Variants in CCNJ observed in about 807,000 individuals in gnomAD.
CCNJ encodes the protein cyclin-J.
A neutral mutation model predicts 41.4 loss-of-function variants in CCNJ; 12 were observed. The ratio of observed to expected loss-of-function variants is 0.29; its 90% CI spans 0.19 to 0.47. The LOEUF (loss-of-function observed/expected upper bound fraction) is 0.47. Among genes scored for constraint, CCNJ ranks in the 20% least tolerant of loss-of-function variants. The pLI is 1.00. For missense variants in CCNJ, 340 were observed against 464.6 expected (o/e 0.73, Z 2.47); for synonymous variants, 161 against 173.4 (o/e 0.93, Z 0.56).
chr10:96,051,321 G>C (rs952010132), intron 3 of CCNJ, among the ~76,000 whole-genome samples: 8 of 152,022 alleles, frequency 5.3e-5, no homozygotes, highest in Admixed American at 4.6e-4. Flanking sequence ...TAAAGGAATT[G>C]AAATTGTGTT....
chr10:96,052,917 C>T (rs2080569912), intron 3 of CCNJ, among the ~76,000 whole-genome samples: 3 of 152,218 alleles, frequency 2.0e-5, no homozygotes, highest in Admixed American at 2.0e-4. Flanking sequence ...ATCAGCTCTA[C>T]ACCAGGGTCA....
intron 2 of CCNJ, among the ~76,000 whole-genome samples, chr10:96,049,390 G>C (rs538792623): frequency 6.6e-6 from 1 of 151,658 alleles, no homozygotes; most frequent in East Asian, 1.9e-4. Flanking sequence ...TCCATTCTGC[G>C]GGTTGCCCTT....
intron 3 of CCNJ, 43 bp downstream of exon 3, chr10:96,050,509 T>C: frequency 7.2e-7 from 1 of 1,387,212 alleles, no homozygotes; most frequent in Non-Finnish European, 1.0e-6. Flanking sequence ...TTTCTGATGT[T>C]TATATAATAA....
rs1286969844 is a variant in CCNJ, at chr10:96,059,562, T to TA, written c.*1324dup. 6.7e-6 allele frequency: 1 copy of TA among 149,552 alleles called. No homozygotes were observed. 9.3% of individuals were successfully genotyped at this position (149,552 alleles called of 1,614,324 possible). ...GTTAAAAAGTCATTGTAATAACTGA[T>TA]AAACTGTATACATTGTGCTCCTTTC... is the stretch of plus-strand genomic sequence containing the variant. On this transcript the variant is annotated 3_prime_UTR_variant, in exon 6 of 6. Transcript: ENST00000465148.
At chr10:96,045,337 A>G (rs2080333270) in intron 2 of CCNJ, among the ~76,000 whole-genome samples, 1 of 152,248 alleles carries the variant, frequency 6.6e-6, no homozygotes, top group Non-Finnish European at 1.5e-5. Context: ...TGTTAAATGT[A>G]GAAAATTGAG....
chr10:96,043,378 C>G (rs1045869079), upstream of CCNJ: 5 of 353,728 alleles, frequency 1.4e-5, no homozygotes, highest in African/African-American at 2.1e-5. Context: ...CCAGGCCAGC[C>G]CAGGCCACGC....
intron 1 of CCNJ, among the ~76,000 whole-genome samples, chr10:96,043,988 C>T (rs1210197206): frequency 3.3e-5 from 5 of 152,170 alleles, no homozygotes; most frequent in Non-Finnish European, 4.4e-5. Context: ...GTCACCTCTC[C>T]CCGCTCCTCA....
At position 96,058,997 on chromosome 10, in the gene CCNJ, A is replaced by G. The variant is rs1466986988; in HGVS notation, c.*756A>G. The G allele has an allele frequency of 1.3e-5, 2 of 152,876 alleles. No homozygotes were observed. The highest frequency in any genetic ancestry group is 2.9e-5 in the Non-Finnish European group (2 of 68,176). The allele number at this position is 152,876 out of a possible 1,614,324, so 9.5% of individuals were successfully genotyped here. ...ACTTGGAAACACTTAACTGTAATGC[A>G]ACATGCCTTGGGAATGTTATAGTGT... On this transcript the variant is annotated 3_prime_UTR_variant, in exon 6 of 6. Transcript: ENST00000465148.
chr10:96,055,537 T>C (rs1413622272), intron 3 of CCNJ, among the ~76,000 whole-genome samples: 1 of 152,234 alleles, frequency 6.6e-6, no homozygotes, highest in Non-Finnish European at 1.5e-5. Context: ...AAATACTTAC[T>C]AAAATGAAGC....
upstream of CCNJ, among the ~76,000 whole-genome samples, chr10:96,043,132 A>G (rs2142015304): frequency 6.6e-6 from 1 of 152,340 alleles, no homozygotes; most frequent in East Asian, 1.9e-4. Context: ...TGCAACGTGA[A>G]GTAAGGTAAA....
intron 3 of CCNJ, among the ~76,000 whole-genome samples, chr10:96,051,286 G>T (rs914398210): frequency 6.6e-6 from 1 of 151,806 alleles, no homozygotes. Context: ...TTGCTCGTTG[G>T]TACTCTCACT....
At chr10:96,056,407 T>C (rs2080694126) in intron 3 of CCNJ, among the ~76,000 whole-genome samples, 1 of 152,068 alleles carries the variant, frequency 6.6e-6, no homozygotes, top group Non-Finnish European at 1.5e-5. Context: ...ATTCAGCTGA[T>C]GAGATTGAGT....
chr10:96,057,355 C>T, intron 5 of CCNJ, 108 bp downstream of exon 5: 1 of 931,552 alleles, frequency 1.1e-6, no homozygotes, highest in Non-Finnish European at 1.7e-6. Flanking sequence ...AGGTTATTTG[C>T]TTTTGGCAGC....
Position 96,059,826 on chromosome 10 carries a change from A to C in CCNJ, c.*1585A>C, listed in dbSNP as rs117758866. The C allele has an allele frequency of 0.028, 4,295 of 152,778 alleles. 89 individuals are homozygous for C. The highest frequency in any genetic ancestry group is 0.048 in the Non-Finnish European group (3,237 of 68,054). 9.5% of individuals were successfully genotyped at this position (152,778 alleles called of 1,614,324 possible). On this transcript the variant is annotated 3_prime_UTR_variant, in exon 6 of 6. Transcript: ENST00000465148. ...GGAAGGGAAGGGGCTCAACACAGTG[A>C]TGGACTGATCCAGATGGCTCCCGGG...
intron 5 of CCNJ, 107 bp downstream of exon 5, chr10:96,057,354 G>C (rs2080722053): frequency 6.4e-6 from 6 of 932,032 alleles, no homozygotes; most frequent in Non-Finnish European, 1.0e-5. Context: ...TAGGTTATTT[G>C]CTTTTGGCAG....
chr10:96,044,252 G>A (rs767105531), intron 1 of CCNJ, 101 bp from the exon 2 acceptor site: 1 of 503,426 alleles, frequency 2.0e-6, no homozygotes, highest in Non-Finnish European at 3.3e-6. Context: ...AAGTGAAGAT[G>A]AGCAGCCACA....
upstream of CCNJ, chr10:96,043,563 G>T: frequency 2.5e-6 from 1 of 394,922 alleles, no homozygotes; most frequent in Non-Finnish European, 4.5e-6. Flanking sequence ...TTTGTATGCG[G>T]AGCCGCCTGC....
chr10:96,050,157 C>T (rs944843689), intron 2 of CCNJ, 99 bp from the exon 3 acceptor site: 2 of 810,092 alleles, frequency 2.5e-6, no homozygotes, highest in South Asian at 3.1e-5. Context: ...GTTTTAGGCA[C>T]TTGTAATACT....
At position 96,058,109 on chromosome 10, in the gene CCNJ, G is replaced by A. The variant is rs2080744248; in HGVS notation, c.1020G>A (p.Gly340=). The A allele has an allele frequency of 3.1e-6, 5 of 1,614,080 alleles. No homozygotes were observed. The highest frequency in any genetic ancestry group is 2.2e-5 in the East Asian group (1 of 44,892). The change falls in exon 6 of 6, where the codon GGG becomes GGA. Residue 340 remains glycine, a synonymous_variant. Transcript: ENST00000465148. ...AGFQTSVQGL[G]HMQTGVGMSL... is the part of the protein sequence containing the mutation. ...TCCAAACTAGTGTTCAGGGCCTTGG[G>A]CACATGCAGACTGGTGTTGGGATGT...
Sources: allele counts gnomAD v4.1 joint callset (sites outside exome capture counted in the v4.1 genomes callset), GRCh38; gene constraint gnomAD v4.1.1; transcripts MANE v1.5; gene names NCBI Gene and HGNC (gene_info 2026-07-23, HGNC 2026-07-21).